The following PLCZ1 variants were observed in gnomAD, a reference collection of about 807,000 sequenced individuals.
The protein encoded by PLCZ1 is 1-phosphatidylinositol 4,5-bisphosphate phosphodiesterase zeta-1.
Under a neutral mutation model 76.8 loss-of-function variants are expected in PLCZ1, and 64 were observed. The ratio of observed to expected loss-of-function variants is 0.83; its 90% CI spans 0.68 to 1.03. The LOEUF is 1.03. PLCZ1 is among the 50% of genes least tolerant of loss of function. The pLI, the probability that PLCZ1 is intolerant of heterozygous loss-of-function variation, is 0.00. For synonymous variants in PLCZ1, 248 were observed against 230.8 expected (o/e 1.07, Z -0.68); for missense variants, 751 against 713.7 (o/e 1.05, Z -0.60).
chr12:18,685,629 A>G (rs763439773), intron 13 of PLCZ1: 8 of 516,952 alleles, frequency 1.5e-5, no homozygotes, highest in African/African-American at 1.3e-4. Context: ...TAATTGGCTC[A>G]TGCTGGAATA....
chr12:18,706,798 T>C (rs1269646730), intron 6 of PLCZ1, among the ~76,000 whole-genome samples: 1 of 152,236 alleles, frequency 6.6e-6, no homozygotes, highest in Non-Finnish European at 1.5e-5. Context: ...TATTGCTCTG[T>C]GGCTGCTGTG....
chr12:18,650,736 A>ATC, the PLCZ1 span, among the ~76,000 whole-genome samples: 1 of 29,528 alleles, frequency 3.4e-5, no homozygotes, highest in Non-Finnish European at 5.6e-5. Context: ...ATATATATAT[A>ATC]TATATATATA....
the PLCZ1 span, among the ~76,000 whole-genome samples, chr12:18,661,003 G>A: frequency 1.3e-5 from 2 of 152,094 alleles, no homozygotes; most frequent in Admixed American, 6.6e-5. Context: ...GAACTGGAAA[G>A]TACAACTGAA....
the PLCZ1 span, among the ~76,000 whole-genome samples, chr12:18,653,730 GAC>G: frequency 6.6e-6 from 1 of 152,132 alleles, no homozygotes; most frequent in Non-Finnish European, 1.5e-5. Context: ...TTAAAGGAAA[GAC>G]ACTCATTATT....
chr12:18,659,758 T>C, the PLCZ1 span, among the ~76,000 whole-genome samples: 1 of 151,832 alleles, frequency 6.6e-6, no homozygotes, highest in Non-Finnish European at 1.5e-5. Flanking sequence ...CGTGCCATAT[T>C]GGTGTGCTGC....
chr12:18,669,046 T>A, the PLCZ1 span, among the ~76,000 whole-genome samples: 1 of 152,264 alleles, frequency 6.6e-6, no homozygotes, highest in East Asian at 1.9e-4. Flanking sequence ...TAATAGCTAA[T>A]ATTTATGTGA....
At chr12:18,674,055 A>G in the PLCZ1 span, among the ~76,000 whole-genome samples, 3 of 152,228 alleles carry the variant, frequency 2.0e-5, no homozygotes, top group Admixed American at 2.0e-4. Flanking sequence ...CAGGAAGTGA[A>G]GATCACTGGT....
At chr12:18,682,621 A>G (rs765542867), downstream of PLCZ1, among the ~76,000 whole-genome samples, 4 of 152,064 alleles carry the variant, frequency 2.6e-5, no homozygotes, top group Non-Finnish European at 5.9e-5. Context: ...CCAAGCATGT[A>G]AGTCCACACA....
the PLCZ1 span, among the ~76,000 whole-genome samples, chr12:18,662,402 A>G: frequency 6.6e-6 from 1 of 152,116 alleles, no homozygotes; most frequent in East Asian, 1.9e-4. Flanking sequence ...TGTTTATCCC[A>G]GATAAACAAA....
intron 5 of PLCZ1, among the ~76,000 whole-genome samples, chr12:18,717,030 C>A (rs188433565): frequency 6.6e-6 from 1 of 152,160 alleles, no homozygotes; most frequent in East Asian, 1.9e-4. Flanking sequence ...TATTTAAACA[C>A]TATATTATGC....
At chr12:18,683,471 T>C in intron 14 of PLCZ1, 147 bp from the exon 15 acceptor site, 1 of 1,463,810 alleles carries the variant, frequency 6.8e-7, no homozygotes, top group Non-Finnish European at 9.3e-7. Flanking sequence ...ATATTAATCT[T>C]CCACAAAAAT....
chr12:18,696,348 A>ATATATC (rs10523511), intron 10 of PLCZ1, 82 bp from the exon 11 acceptor site: 38 of 214,322 alleles, frequency 1.8e-4, no homozygotes, highest in Non-Finnish European at 2.6e-4. Context: ...ATATATATAT[A>ATATATC]TATCATATAA....
At chr12:18,662,134 A>G in the PLCZ1 span, among the ~76,000 whole-genome samples, 1 of 152,106 alleles carries the variant, frequency 6.6e-6, no homozygotes, top group Non-Finnish European at 1.5e-5. Flanking sequence ...GAAGATGGAA[A>G]GTGCAAGGAG....
At chr12:18,728,025 T>TCA (rs1038482186) in intron 3 of PLCZ1, among the ~76,000 whole-genome samples, 1 of 151,998 alleles carries the variant, frequency 6.6e-6, no homozygotes, top group African/African-American at 2.4e-5. Context: ...GGTGCCGAGA[T>TCA]CACCAAGCAA....
chr12:18,653,295 C>T, the PLCZ1 span, among the ~76,000 whole-genome samples: 4 of 152,210 alleles, frequency 2.6e-5, no homozygotes, highest in Non-Finnish European at 5.9e-5. Context: ...TTTGATATTA[C>T]ATAGGAAAAA....
At chr12:18,737,302 G>A (rs2150775037) in intron 2 of PLCZ1, 59 bp downstream of exon 2, 2 of 1,552,992 alleles carry the variant, frequency 1.3e-6, no homozygotes, top group South Asian at 2.2e-5. Context: ...ACAGCATCAA[G>A]TAAAGAGGAT....
At chr12:18,693,440 G>T in intron 12 of PLCZ1, 1 of 1,604,966 alleles carries the variant, frequency 6.2e-7, no homozygotes, top group Non-Finnish European at 8.5e-7. Context: ...CTCCAAGGGG[G>T]TCATTCTCTG....
At position 18,737,403 on chromosome 12, in the gene PLCZ1, A is replaced by T. The variant is rs752280892; in HGVS notation, c.-32T>A. On this transcript the variant is annotated 5_prime_UTR_variant, in exon 2 of 15. Coordinates refer to ENST00000266505, the MANE Select transcript of PLCZ1 (RefSeq NM_033123.4). ...ATGACCTGTAGAGCCGTTTCTCCTC[A>T]CTTAGAAGTCTTTCCCCAGTAGGTG... is the stretch of plus-strand genomic sequence containing the variant. The T allele has an allele frequency of 1.4e-5, 22 of 1,613,572 alleles. No individual in the cohort carries two copies. The East Asian group carries it at 2.2e-4, about 16-fold the overall frequency.
At chr12:18,649,885 C>A in the PLCZ1 span, among the ~76,000 whole-genome samples, 1 of 151,896 alleles carries the variant, frequency 6.6e-6, no homozygotes, top group Admixed American at 6.6e-5. Flanking sequence ...CTTTTTGTTT[C>A]TCCTTCTTAG....
Sources: allele counts gnomAD v4.1 joint callset (sites outside exome capture counted in the v4.1 genomes callset), GRCh38; gene constraint gnomAD v4.1.1; transcripts MANE v1.5; gene names NCBI Gene and HGNC (gene_info 2026-07-23, HGNC 2026-07-21).